Variants in PTPRB observed in about 807,000 individuals in gnomAD.
PTPRB encodes the protein protein tyrosine phosphatase receptor type B, also known as receptor-type tyrosine-protein phosphatase beta.
PTPRB carries 97 observed loss-of-function variants against 238.1 expected under a neutral mutation model. That is an observed-to-expected ratio of 0.41 (90% confidence interval 0.35 to 0.48). The LOEUF (loss-of-function observed/expected upper bound fraction) is 0.48, where lower values mean the gene tolerates loss of function less well. Ranked by LOEUF, PTPRB falls within the 20% of genes least tolerant of loss-of-function variation. PTPRB has a pLI of 0.30. For synonymous variants in PTPRB, 970 were observed against 995.4 expected (o/e 0.97, Z 0.48); for missense variants, 2,292 against 2,681.9 (o/e 0.85, Z 3.21).
At chr12:70,581,712 C>T (rs923942355) in intron 9 of PTPRB, among the ~76,000 whole-genome samples, 4 of 152,064 alleles carry the variant, frequency 2.6e-5, no homozygotes, top group African/African-American at 7.2e-5. Flanking sequence ...TGGGAATTCC[C>T]TTCAGTCTGT....
chr12:70,587,208 T>C lies in PTPRB; in HGVS notation c.2110A>G (p.Met704Val). Reference protein sequence around the residue: ...KHANETSLSIMWQTPVAEWEK... With the variant: ...KHANETSLSIVWQTPVAEWEK... ...CATTCTGCTACAGGGGTCTGCCACA[T>C]GATACTCAGTGAGGTTTCATTGGCA... Residue 704 changes from methionine (M) to valine (V), a missense_variant, in exon 9 of 34, where the codon ATG (methionine) becomes GTG (valine). Physicochemically the swap from Met to Val is conservative, Grantham distance 21 (BLOSUM62 1). Around this residue, in one of 4 missense-constraint regions of PTPRB, gnomAD observed 1,205 missense variants for 1,287.8 expected, o/e 0.94. Transcript: ENST00000334414. The C allele has an allele frequency of 1.9e-6, 3 of 1,613,786 alleles. No homozygotes were observed. The highest frequency in any genetic ancestry group is 2.5e-6 in the Non-Finnish European group (3 of 1,179,730).
chr12:70,627,154 C>G (rs1157313822), intron 2 of PTPRB, among the ~76,000 whole-genome samples: 1 of 152,152 alleles, frequency 6.6e-6, no homozygotes, highest in Non-Finnish European at 1.5e-5. Flanking sequence ...TTTTACCTAA[C>G]ACCCTATGTT....
chr12:70,600,161 A>G (rs1883358520), intron 4 of PTPRB, among the ~76,000 whole-genome samples: 1 of 152,206 alleles, frequency 6.6e-6, no homozygotes, highest in African/African-American at 2.4e-5. Context: ...AATAAATTCA[A>G]CCTTATAACA....
In PTPRB at chr12:70,519,349, G is replaced by A. The variant is rs2136186289; in HGVS notation, c.*2140C>T. On this transcript the variant is annotated 3_prime_UTR_variant, in exon 34 of 34. Transcript: ENST00000334414. Reference sequence around the variant, plus strand: ...TAGCACTTTCCAGTGTGTGGCCTGTGGAAGGTGACCACTGTCCTAGACTGG... The same window carrying A: ...TAGCACTTTCCAGTGTGTGGCCTGTAGAAGGTGACCACTGTCCTAGACTGG... The A allele has an allele frequency of 6.6e-6, 1 of 152,286 alleles. No homozygotes were observed. The highest frequency in any genetic ancestry group is 2.1e-4 in the South Asian group (1 of 4,830). The allele number at this position is 152,286 out of a possible 1,614,324, so 9.4% of individuals were successfully genotyped here.
intron 15 of PTPRB, among the ~76,000 whole-genome samples, chr12:70,564,020 C>G (rs1878877700): frequency 6.6e-6 from 1 of 152,192 alleles, no homozygotes; most frequent in Non-Finnish European, 1.5e-5. Context: ...ACCACTCATC[C>G]TCGCTCACTC....
intron 10 of PTPRB, among the ~76,000 whole-genome samples, chr12:70,577,721 C>A (rs555550414): frequency 6.6e-6 from 1 of 152,202 alleles, no homozygotes; most frequent in African/African-American, 2.4e-5. Context: ...GTGAATTAAG[C>A]CCCAAAGCAT....
intron 2 of PTPRB, among the ~76,000 whole-genome samples, chr12:70,626,401 G>GCCTGCCTGCCTACCTA: frequency 6.9e-6 from 1 of 145,926 alleles, no homozygotes; most frequent in African/African-American, 2.6e-5. Context: ...CTGCCTGCCT[G>GCCTGCCTGCCTACCTA]CCTACCTACC....
intron 28 of PTPRB, among the ~76,000 whole-genome samples, chr12:70,537,030 A>C (rs879566636): frequency 2.0e-5 from 3 of 152,146 alleles, no homozygotes; most frequent in Admixed American, 1.3e-4. Context: ...CACCCCTGTA[A>C]TCCCAGCACT....
chr12:70,582,184 C>T (rs1400055597), intron 9 of PTPRB, among the ~76,000 whole-genome samples: 1 of 152,038 alleles, frequency 6.6e-6, no homozygotes. Context: ...TGCCTCTTTC[C>T]TGAATTACAA....
chr12:70,549,307 A>C (rs539233544), intron 21 of PTPRB, among the ~76,000 whole-genome samples: 1 of 152,338 alleles, frequency 6.6e-6, no homozygotes, highest in African/African-American at 2.4e-5. Context: ...TCCTTTGAAG[A>C]AAACGAGGTC....
chr12:70,596,355 A>ACAC lies in PTPRB; in HGVS notation c.980-29_980-28insGTG, dbSNP rs1555234327. The ACAC allele has an allele frequency of 5.0e-4, 460 of 926,556 alleles. 1 individual carries two copies. In the African/African-American group the frequency reaches 9.4e-3, roughly 19 times the overall value. The allele number at this position is 926,556 out of a possible 1,614,324, so 57.4% of individuals were successfully genotyped here. A position where few individuals can be genotyped will look rare whatever the true frequency, so the allele number is the denominator to read the frequency against. On this transcript the variant is annotated intron_variant, in intron 4 of 33. Coordinates refer to ENST00000334414, the MANE Select transcript of PTPRB (RefSeq NM_001109754.4). The stretch of plus-strand genomic sequence containing the variant: ...GCAAGGCAAATACACACACACACAC[A>ACAC]AAAAAAAAAAAGAAAGAAAAAGAAA...
rs368837287 is a variant in PTPRB, at chr12:70,635,830, G to C, written c.292C>G (p.Gln98Glu). 5 of 1,613,442 alleles carry C rather than the reference G, an allele frequency of 3.1e-6. No homozygotes were observed. In the African/African-American group the frequency reaches 6.7e-5, roughly 22 times the overall value. ...SQAPRWTCYD[Q>E]EGFLEVENAS... ...TTTTCCACCTCAAGGAAGCCTTCCTGATCATAGCAGGTCCATCGGGGTGCC... is the reference window on the plus strand; with the variant it reads ...TTTTCCACCTCAAGGAAGCCTTCCTCATCATAGCAGGTCCATCGGGGTGCC... The change falls in exon 2 of 34, where the codon CAG (glutamine) becomes GAG (glutamate). Residue 98 changes from glutamine (Q) to glutamate (E), a missense_variant. Transcript: ENST00000334414.
At chr12:70,544,166 G>GT (rs1346944718) in intron 22 of PTPRB, among the ~76,000 whole-genome samples, 6 of 151,796 alleles carry the variant, frequency 4.0e-5, no homozygotes, top group Non-Finnish European at 7.4e-5. Flanking sequence ...ATACTTTGGT[G>GT]TTTTTTTCTT....
chr12:70,614,062 C>A (rs1157345212), intron 3 of PTPRB, among the ~76,000 whole-genome samples: 5 of 152,032 alleles, frequency 3.3e-5, no homozygotes, highest in Non-Finnish European at 7.4e-5. Flanking sequence ...GAGGCAGTAC[C>A]CGTTAGAACA....
At position 70,622,528 on chromosome 12, in the gene PTPRB, C is replaced by A. The variant is rs112249725; in HGVS notation, c.570G>T (p.Glu190Asp). 11 of 1,612,358 alleles carry A rather than the reference C, an allele frequency of 6.8e-6. No homozygotes were observed. The highest frequency in any genetic ancestry group is 9.3e-6 in the Non-Finnish European group (11 of 1,179,080). ...GLVFLIRNTT[E>D]AFIRNAAENY... ...TTTCTGCAGCATTTCTGATGAAGGCCTCTGTGGTATTCCTAATAAGGAATA... is the reference window on the plus strand; with the variant it reads ...TTTCTGCAGCATTTCTGATGAAGGCATCTGTGGTATTCCTAATAAGGAATA... The change falls in exon 3 of 34, where the codon GAG becomes GAT. Residue 190 changes from glutamate (E) to aspartate (D), a missense_variant. Around this residue, in one of 4 missense-constraint regions of PTPRB, gnomAD observed 1,205 missense variants for 1,287.8 expected, o/e 0.94. Coordinates refer to ENST00000334414, the MANE Select transcript of PTPRB (RefSeq NM_001109754.4).
intron 16 of PTPRB, among the ~76,000 whole-genome samples, chr12:70,562,298 T>C (rs1160968309): frequency 6.6e-6 from 1 of 152,076 alleles, no homozygotes; most frequent in Non-Finnish European, 1.5e-5. Context: ...CAAAACATTT[T>C]TTTTTGAACA....
At chr12:70,557,449 G>C (rs1359133485) in intron 18 of PTPRB, among the ~76,000 whole-genome samples, 1 of 152,132 alleles carries the variant, frequency 6.6e-6, no homozygotes, top group Non-Finnish European at 1.5e-5. Flanking sequence ...TCATGAAACA[G>C]CACTGAGTCT....
chr12:70,628,507 T>C (rs2136599559), intron 2 of PTPRB, among the ~76,000 whole-genome samples: 1 of 152,248 alleles, frequency 6.6e-6, no homozygotes, highest in East Asian at 1.9e-4. Context: ...TGAAACCAGT[T>C]TTGAGTTTAT....
intron 20 of PTPRB, among the ~76,000 whole-genome samples, chr12:70,553,711 G>A (rs1234999755): frequency 6.6e-6 from 1 of 152,210 alleles, no homozygotes. Flanking sequence ...TATTTACAAT[G>A]AGCTTCAAGA....
Sources: gnomAD v4.1 joint callset for allele counts (sites outside exome capture counted in the v4.1 genomes callset) on GRCh38, gnomAD v4.1.1 for gene constraint, gnomAD v4.1.1 regional missense constraint, MANE v1.5 for transcripts, NCBI Gene and HGNC (gene_info 2026-07-23, HGNC 2026-07-21) for gene names.